The following KCNMB2 variants were observed in gnomAD, a reference collection of about 807,000 sequenced individuals.
KCNMB2 encodes the protein calcium-activated potassium channel subunit beta-2.
KCNMB2 carries 9 observed loss-of-function variants against 24.5 expected under a neutral mutation model. The observed-to-expected ratio is 0.37, with a 90% CI of 0.22 to 0.64. The LOEUF (loss-of-function observed/expected upper bound fraction) is 0.64. Among genes scored for constraint, KCNMB2 ranks in the 30% least tolerant of loss-of-function variants. KCNMB2 has a pLI of 0.63. For synonymous variants in KCNMB2, 109 were observed against 104.4 expected (o/e 1.04, Z -0.27); for missense variants, 226 against 284.3 (o/e 0.79, Z 1.47).
intron 1 of KCNMB2, among the ~76,000 whole-genome samples, chr3:178,790,125 GC>G: frequency 6.6e-6 from 1 of 151,910 alleles, no homozygotes; most frequent in East Asian, 1.9e-4. Context: ...CCAGGCCCTT[GC>G]TTATGGATGA....
At chr3:178,644,527 G>A (rs1479629903) in intron 1 of KCNMB2, among the ~76,000 whole-genome samples, 2 of 152,236 alleles carry the variant, frequency 1.3e-5, no homozygotes, top group African/African-American at 4.8e-5. Context: ...GGCTTAGCAG[G>A]CCCTCTGCAG....
chr3:178,614,247 T>TTATATATATATATATATATA (rs776751246), intron 1 of KCNMB2, among the ~76,000 whole-genome samples: 21 of 53,460 alleles, frequency 3.9e-4, no homozygotes, highest in Admixed American at 4.9e-4. Context: ...TGGGCTAATT[T>TTATATATATATATATATATA]TATATATATA....
chr3:178,750,152 G>A (rs1034819158), intron 1 of KCNMB2, among the ~76,000 whole-genome samples: 3 of 151,716 alleles, frequency 2.0e-5, no homozygotes, highest in African/African-American at 7.3e-5. Flanking sequence ...AAGTCCAATG[G>A]GAATTAAAAT....
chr3:178,710,759 A>T (rs1448586316), intron 1 of KCNMB2, among the ~76,000 whole-genome samples: 2 of 152,170 alleles, frequency 1.3e-5, no homozygotes, highest in Non-Finnish European at 2.9e-5. Context: ...AGCACCTTGA[A>T]AGTTTTCCTT....
chr3:178,678,440 G>T (rs1000672372), intron 1 of KCNMB2, among the ~76,000 whole-genome samples: 3 of 152,136 alleles, frequency 2.0e-5, no homozygotes, highest in African/African-American at 7.2e-5. Flanking sequence ...ATTAGCCAAA[G>T]AGACATAAAA....
At chr3:178,659,040 G>A (rs1336629800) in intron 1 of KCNMB2, among the ~76,000 whole-genome samples, 1 of 152,220 alleles carries the variant, frequency 6.6e-6, no homozygotes, top group Non-Finnish European at 1.5e-5. Context: ...GCTCTCAGAA[G>A]ATGCACATTT....
chr3:178,734,833 T>C (rs1723266438), intron 1 of KCNMB2, among the ~76,000 whole-genome samples: 2 of 152,254 alleles, frequency 1.3e-5, no homozygotes, highest in South Asian at 2.1e-4. Flanking sequence ...ACCACTTTTG[T>C]CTCATTTTTA....
At position 178,777,467 on chromosome 3, in the gene KCNMB2, T is replaced by C. The variant is rs570632547; in HGVS notation, c.-67-29876T>C. Among the ~76,000 whole-genome samples, 7 of 152,228 alleles carry C rather than the reference T, an allele frequency of 4.6e-5. No individual in the cohort carries two copies. The East Asian group carries it at 1.4e-3, about 29-fold the overall frequency. On this transcript the variant is annotated intron_variant, in intron 1 of 4. Transcript: ENST00000452583. ...AAAAGTCAGAAATGTTGGCAAGACA[T>C]TACATGGCAAGATGTACTAAAATAT...
At chr3:178,553,694 C>T (rs1041977389) in intron 1 of KCNMB2, among the ~76,000 whole-genome samples, 2 of 152,060 alleles carry the variant, frequency 1.3e-5, no homozygotes, top group Non-Finnish European at 2.9e-5. Context: ...CGCATGCTAT[C>T]ACACCCAGAT....
At chr3:178,690,269 T>G (rs542976747) in intron 1 of KCNMB2, among the ~76,000 whole-genome samples, 1 of 152,220 alleles carries the variant, frequency 6.6e-6, no homozygotes, top group Admixed American at 6.5e-5. Flanking sequence ...TGTAGCCTTT[T>G]AATATACTAT....
At chr3:178,723,705 T>C (rs1722879788) in intron 1 of KCNMB2, among the ~76,000 whole-genome samples, 1 of 152,196 alleles carries the variant, frequency 6.6e-6, no homozygotes, top group Non-Finnish European at 1.5e-5. Flanking sequence ...GTATACCCAA[T>C]GTTTAGCTCC....
chr3:178,787,916 T>C (rs1713172674), intron 1 of KCNMB2, among the ~76,000 whole-genome samples: 1 of 152,200 alleles, frequency 6.6e-6, no homozygotes, highest in Admixed American at 6.5e-5. Flanking sequence ...AGAAAATTAC[T>C]TAGTTTCCTG....
intron 1 of KCNMB2, among the ~76,000 whole-genome samples, chr3:178,650,611 A>C (rs1015254586): frequency 1.3e-5 from 2 of 152,140 alleles, no homozygotes; most frequent in Non-Finnish European, 2.9e-5. Flanking sequence ...AACAACAAAA[A>C]AAAATTTCAG....
At chr3:178,784,545 C>G (rs144766645) in intron 1 of KCNMB2, among the ~76,000 whole-genome samples, 86 of 152,156 alleles carry the variant, frequency 5.7e-4, no homozygotes, top group African/African-American at 1.7e-3. Flanking sequence ...GCACCCAAGT[C>G]ATCCTATTAA....
rs543326365 is a variant in KCNMB2 at position 178,621,439 on chromosome 3, C to A, written c.-68+84728C>A. Among the ~76,000 whole-genome samples the A allele has an allele frequency of 3.9e-4, 59 of 152,150 alleles. 1 individual carries two copies. The highest frequency in any genetic ancestry group is 1.4e-3 in the African/African-American group (57 of 41,506). ...ATTTTATCTCTCTGACATCTTTGTT[C>A]ATTATTTCTTTGGGTTTCTGCTTAA... On this transcript the variant is annotated intron_variant, in intron 1 of 4. Coordinates refer to ENST00000452583, the MANE Select transcript of KCNMB2 (RefSeq NM_181361.3).
intron 1 of KCNMB2, among the ~76,000 whole-genome samples, chr3:178,611,855 G>A (rs1224020172): frequency 6.6e-6 from 1 of 152,034 alleles, no homozygotes; most frequent in Non-Finnish European, 1.5e-5. Context: ...TTGTAGATTT[G>A]AAGTTTCTTC....
chr3:178,696,836 A>G (rs1002611918), intron 1 of KCNMB2, among the ~76,000 whole-genome samples: 5 of 152,202 alleles, frequency 3.3e-5, no homozygotes, highest in African/African-American at 4.8e-5. Context: ...ATTATTTACC[A>G]AAAAGTAAAT....
intron 1 of KCNMB2, among the ~76,000 whole-genome samples, chr3:178,579,962 C>T (rs1047897550): frequency 1.3e-5 from 2 of 152,148 alleles, no homozygotes; most frequent in African/African-American, 2.4e-5. Flanking sequence ...TGGTACCATT[C>T]GTTCTGAAAC....
chr3:178,589,185 C>T (rs1352353165), intron 1 of KCNMB2, among the ~76,000 whole-genome samples: 1 of 152,204 alleles, frequency 6.6e-6, no homozygotes, highest in Non-Finnish European at 1.5e-5. Context: ...GTTCTAACAG[C>T]TCAGCTTCCC....
Sources: allele counts gnomAD v4.1 joint callset (sites outside exome capture counted in the v4.1 genomes callset), GRCh38; gene constraint gnomAD v4.1.1; transcripts MANE v1.5; gene names NCBI Gene and HGNC (gene_info 2026-07-23, HGNC 2026-07-21).